The following INPPL1 variants were observed in gnomAD, a reference collection of about 807,000 sequenced individuals.
INPPL1 encodes the protein phosphatidylinositol 3,4,5-trisphosphate 5-phosphatase 2.
Under a neutral mutation model 139.3 loss-of-function variants are expected in INPPL1, and 91 were observed. The observed-to-expected ratio is 0.65, with a 90% CI of 0.55 to 0.78. The LOEUF is 0.78. Ranked by LOEUF, INPPL1 falls within the 30% of genes least tolerant of loss-of-function variation. The pLI is 0.00. For missense variants in INPPL1, 1,411 were observed against 1,665.6 expected (o/e 0.85, Z 2.66); for synonymous variants, 719 against 686.6 (o/e 1.05, Z -0.74).
rs768673018 is a variant in INPPL1 at position 72,232,864 on chromosome 11, C to G, written c.1852-11C>G. On this transcript the variant is annotated splice_polypyrimidine_tract_variant and intron_variant, in intron 15 of 27. Transcript: ENST00000298229. ...GAGGAATGTTTCTAGCCTTTGTGTCCTCCACCCCAGGAGATCCTGAACTAC... is the reference window on the plus strand; with the variant it reads ...GAGGAATGTTTCTAGCCTTTGTGTCGTCCACCCCAGGAGATCCTGAACTAC... 3 of 1,613,936 alleles carry G rather than the reference C, an allele frequency of 1.9e-6. No homozygotes were observed. The highest frequency in any genetic ancestry group is 2.5e-6 in the Non-Finnish European group (3 of 1,179,896).
At chr11:72,223,706 C>T (rs990124784), upstream of INPPL1, 14 of 151,972 alleles carry the variant, frequency 9.2e-5, no homozygotes, top group African/African-American at 2.4e-4. Context: ...ACAGGATCCC[C>T]ATTTTCCAGA....
At position 72,235,475 on chromosome 11, in the gene INPPL1, G is replaced by T. The variant is rs1344763217; in HGVS notation, c.2659+24G>T. On this transcript the variant is annotated intron_variant, in intron 23 of 27. Coordinates refer to ENST00000298229, the MANE Select transcript of INPPL1 (RefSeq NM_001567.4). This position sits in a 1 kb window ranked among gnomAD's most constrained non-coding sequence, Gnocchi z 4.9. ...CGGTGGGGACTCCACTGGGACATGA[G>T]ATAGGGTGGTGTGAACAGATCAAGG... The T allele has an allele frequency of 6.2e-7, 1 of 1,608,542 alleles. No individual in the cohort carries two copies. The highest frequency in any genetic ancestry group is 1.7e-5 in the Admixed American group (1 of 59,196).
intron 13 of INPPL1, 149 bp downstream of exon 13, chr11:72,231,764 C>G: frequency 1.5e-6 from 1 of 653,510 alleles, no homozygotes; most frequent in Non-Finnish European, 2.7e-6. Context: ...TATTCATATT[C>G]TAAATCTCTC....
At chr11:72,226,540 C>T (rs1414057996) in intron 1 of INPPL1, among the ~76,000 whole-genome samples, 2 of 152,170 alleles carry the variant, frequency 1.3e-5, no homozygotes, top group South Asian at 2.1e-4. Context: ...TGGGTAGAAG[C>T]CGGGGATACT....
In INPPL1 at chr11:72,237,663, C is replaced by T; in HGVS notation, c.3419C>T (p.Pro1140Leu). The T allele has an allele frequency of 1.2e-6, 2 of 1,611,896 alleles. No homozygotes were observed. The highest frequency in any genetic ancestry group is 1.3e-5 in the African/African-American group (1 of 75,058). The change falls in exon 26 of 28, where the codon CCT becomes CTT. Residue 1140 changes from proline to leucine, a missense_variant. Pro to Leu is a moderately conservative substitution (Grantham distance 98). This residue lies in a region of INPPL1 where 438 missense variants were observed against 425.7 expected (regional missense o/e 1.03). Coordinates refer to ENST00000298229, the MANE Select transcript of INPPL1 (RefSeq NM_001567.4). The part of the protein sequence containing the change: ...LSEVDYAPAG[P>L]ARSALLPGPL... ...GAGGTGGACTATGCCCCTGCTGGGC[C>T]TGCACGCTCAGCGCTCCTCCCAGGC...
chr11:72,230,029 A>G lies in INPPL1; in HGVS notation c.939+10A>G, dbSNP rs778042017. 14 of 1,614,106 alleles carry G rather than the reference A, an allele frequency of 8.7e-6. No homozygotes were observed. The highest frequency in any genetic ancestry group is 1.2e-5 in the Non-Finnish European group (14 of 1,179,922). ...CGTGCAGGCCTTTGAGGTACATGGC[A>G]GTGGGGCCTCACAGGGCCAAGGGTG... is the stretch of plus-strand genomic sequence containing the variant. On this transcript the variant is annotated intron_variant, in intron 8 of 27. Transcript: ENST00000298229.
chr11:72,237,987 G>A, intron 26 of INPPL1, 55 bp from the exon 27 acceptor site: 3 of 1,503,652 alleles, frequency 2.0e-6, no homozygotes, highest in South Asian at 1.4e-5. Context: ...GAATGTGACT[G>A]CAGGTGTTTC....
Position 72,232,940 on chromosome 11 carries a change from G to A in INPPL1, c.1917G>A (p.Leu639=), listed in dbSNP as rs1248986031. 4 of 1,614,020 alleles carry A rather than the reference G, an allele frequency of 2.5e-6. No individual in the cohort carries two copies. The highest frequency in any genetic ancestry group is 2.5e-6 in the Non-Finnish European group (3 of 1,180,018). Residue 639 remains leucine, a synonymous_variant, in exon 16 of 28, where the codon CTG becomes CTA. Coordinates refer to ENST00000298229, the MANE Select transcript of INPPL1 (RefSeq NM_001567.4). ...EPLLRVDQLN[L]EREKHKVFLR... ...TCCTCAGGGTGGACCAGCTCAACCT[G>A]GAGCGGGAGAAGCACAAGGTCTTCC...
At chr11:72,224,527 G>A (rs1381814146), upstream of INPPL1, among the ~76,000 whole-genome samples, 1 of 151,374 alleles carries the variant, frequency 6.6e-6, no homozygotes, top group Non-Finnish European at 1.5e-5. Context: ...GGGCCAGGAT[G>A]GGGGGACTCG....
Position 72,228,546 on chromosome 11 carries a change from T to C in INPPL1, c.397+48T>C, listed in dbSNP as rs763316860. The C allele has an allele frequency of 5.0e-6, 8 of 1,590,880 alleles. No individual in the cohort carries two copies. In the Admixed American group the frequency reaches 8.4e-5, roughly 17 times the overall value. On this transcript the variant is annotated intron_variant, in intron 3 of 27. Transcript: ENST00000298229. This position sits in a 1 kb window ranked among gnomAD's most constrained non-coding sequence, Gnocchi z 5.0. Reference sequence around the variant, plus strand: ...CCTCCCTGCCCCTGTCCCTTGGCTCTACCTGCCTCTTCCCATCCCCCCTTC... The same window carrying C: ...CCTCCCTGCCCCTGTCCCTTGGCTCCACCTGCCTCTTCCCATCCCCCCTTC...
chr11:72,230,654 G>A (rs1241059182), intron 10 of INPPL1, 142 bp from the exon 11 acceptor site: 1 of 848,076 alleles, frequency 1.2e-6, no homozygotes, highest in East Asian at 2.6e-5. Context: ...TGCCAGCACT[G>A]TTATATGCTT....
rs769105797 is a variant in INPPL1 at position 72,238,336 on chromosome 11, C to G, written c.3760C>G (p.Leu1254Val). The G allele has an allele frequency of 6.4e-7, 1 of 1,564,952 alleles. No homozygotes were observed. The highest frequency in any genetic ancestry group is 8.6e-7 in the Non-Finnish European group (1 of 1,157,468). Reference protein sequence around the residue: ...PAHKRLLLDTLQLSK With the variant: ...PAHKRLLLDTVQLSK ...TCACAAGCGCCTCCTTCTGGACACC[C>G]TGCAGCTCAGCAAGTGATAGCGGAG... The change falls in exon 28 of 28, where the codon CTG (leucine) becomes GTG (valine). Residue 1254 changes from leucine (L) to valine (V), a missense_variant. Coordinates refer to ENST00000298229, the MANE Select transcript of INPPL1 (RefSeq NM_001567.4).
rs1948623845 is a variant in INPPL1 at position 72,224,909 on chromosome 11, C to T, written c.-76C>T. On this transcript the variant is annotated 5_prime_UTR_variant, in exon 1 of 28. Coordinates refer to ENST00000298229, the MANE Select transcript of INPPL1 (RefSeq NM_001567.4). ...CAAGCCCGGGCCCCGGGCCCGGCCC[C>T]AGCCTCAGCCCTGAGCGTCTCGGGG... 19 of 988,364 alleles carry T rather than the reference C, an allele frequency of 1.9e-5. No individual in the cohort carries two copies. The highest frequency in any genetic ancestry group is 4.7e-5 in the South Asian group (1 of 21,376). 61.2% of individuals were successfully genotyped at this position (988,364 alleles called of 1,614,324 possible). A position where few individuals can be genotyped will look rare whatever the true frequency, so the allele number is the denominator to read the frequency against.
chr11:72,225,969 C>T (rs888373413), intron 1 of INPPL1, among the ~76,000 whole-genome samples: 1 of 152,134 alleles, frequency 6.6e-6, no homozygotes, highest in Non-Finnish European at 1.5e-5. Flanking sequence ...TCCTGCCCTG[C>T]AGTCTGACAT....
Position 72,237,614 on chromosome 11 carries a change from C to T in INPPL1, c.3370C>T (p.Leu1124=). ...TGGGGATGACCGGTCCTGCTCGGTG[C>T]TGCAGATGGCCAAGACGCTGAGCGA... ...ASGDDRSCSV[L]QMAKTLSEVD... Residue 1124 remains leucine (L), a synonymous_variant, in exon 26 of 28, where the codon CTG becomes TTG. Transcript: ENST00000298229. 1 of 1,605,090 alleles carries T rather than the reference C, an allele frequency of 6.2e-7. No individual in the cohort carries two copies. The highest frequency in any genetic ancestry group is 8.5e-7 in the Non-Finnish European group (1 of 1,174,380).
intron 4 of INPPL1, 31 bp from the exon 5 acceptor site, chr11:72,229,059 C>A: frequency 1.3e-6 from 2 of 1,582,126 alleles, no homozygotes; most frequent in Non-Finnish European, 1.7e-6. Flanking sequence ...GTCAGCAGGA[C>A]CTCCACTGAC....
rs552770886 is a variant in INPPL1 at position 72,233,421 on chromosome 11, G to C, written c.2041-20G>C. 21 of 1,611,056 alleles carry C rather than the reference G, an allele frequency of 1.3e-5. No individual in the cohort carries two copies. In the African/African-American group the frequency reaches 2.0e-4, roughly 15 times the overall value. ...CCTCCTAGCTGTCAGCTCTAACCAT[G>C]CTGCCATCCCCTGCCCCAGGTCCGG... On this transcript the variant is annotated intron_variant, in intron 17 of 27. Transcript: ENST00000298229.
chr11:72,237,897 C>T (rs937661003), intron 26 of INPPL1, 101 bp downstream of exon 26: 1 of 1,454,784 alleles, frequency 6.9e-7, no homozygotes, highest in African/African-American at 1.4e-5. Flanking sequence ...GTCCCTGCTA[C>T]CCTGAACTGA....
rs1462185921 is a variant in INPPL1 at position 72,233,641 on chromosome 11, T to G, written c.2123-14T>G. ...TATTCCCCCTGAGTCCCCATTCCTA[T>G]CCCCTCTCCCCAGGTTGCACTGATG... On this transcript the variant is annotated splice_polypyrimidine_tract_variant and intron_variant, in intron 18 of 27. Coordinates refer to ENST00000298229, the MANE Select transcript of INPPL1 (RefSeq NM_001567.4). 24 of 1,612,932 alleles carry G rather than the reference T, an allele frequency of 1.5e-5. No individual in the cohort carries two copies. Among genetic ancestry groups the G allele is most frequent in the Non-Finnish European group, 1.9e-5 (22 of 1,179,150 alleles).
Sources: allele counts gnomAD v4.1 joint callset (sites outside exome capture counted in the v4.1 genomes callset), GRCh38; gene constraint gnomAD v4.1.1; regional missense constraint gnomAD v4.1.1; non-coding constraint Gnocchi (gnomAD v3.1); transcripts MANE v1.5; gene names NCBI Gene and HGNC (gene_info 2026-07-23, HGNC 2026-07-21).